The following ZNF773 variants were observed in gnomAD, a reference collection of about 807,000 sequenced individuals.
ZNF773 encodes zinc finger protein 419B.
A neutral mutation model predicts 12.8 loss-of-function variants in ZNF773; 11 were observed. The ratio of observed to expected loss-of-function variants is 0.86; its 90% CI spans 0.54 to 1.42. The LOEUF (loss-of-function observed/expected upper bound fraction) is 1.42, where lower values mean the gene tolerates loss of function less well. Ranked by LOEUF, ZNF773 falls within the 40% of genes most tolerant of loss-of-function variation. The pLI, the probability that ZNF773 is intolerant of heterozygous loss-of-function variation, is 0.00. For synonymous variants in ZNF773, 175 were observed against 178.4 expected (o/e 0.98, Z 0.15); for missense variants, 518 against 527.2 (o/e 0.98, Z 0.17).
downstream of ZNF773, chr19:57,513,137 G>T (rs1286872092): frequency 2.8e-6 from 4 of 1,409,746 alleles, no homozygotes; most frequent in South Asian, 1.7e-5. Flanking sequence ...CAAGTCTGCT[G>T]GCAGTGGATA....
chr19:57,507,408 C>A lies in ZNF773; in HGVS notation c.1313C>A (p.Thr438Asn). The change falls in exon 4 of 4, where the codon ACT (threonine) becomes AAT (asparagine). Residue 438 changes from threonine to asparagine, a missense_variant. Thr to Asn is a moderately conservative substitution (Grantham distance 65, BLOSUM62 0). Coordinates refer to ENST00000282292, the MANE Select transcript of ZNF773 (RefSeq NM_198542.3). Reference protein sequence around the residue: ...SSLVKHRRIHTGEIQ With the variant: ...SSLVKHRRIHNGEIQ ...CTTGTTAAACATCGAAGGATTCACA[C>A]TGGAGAAATACAATGATTGTGAGAA... is the stretch of plus-strand genomic sequence containing the variant. The A allele has an allele frequency of 1.3e-6, 2 of 1,599,806 alleles. No homozygotes were observed. Among genetic ancestry groups the A allele is most frequent in the Admixed American group, 1.8e-5 (1 of 56,928 alleles).
rs1485565608 is a variant in ZNF773 at position 57,504,994 on chromosome 19, G to A, written c.163+208G>A. ...CCCACAGCTGTGCAGGAAAGGGTTT[G>A]GGGGTCAGGAGTCTTGCAGTCAGCT... On this transcript the variant is annotated intron_variant, in intron 2 of 3. Transcript: ENST00000282292. The A allele has an allele frequency of 3.6e-5, 33 of 908,008 alleles. No individual in the cohort carries two copies. The Middle Eastern group carries it at 4.0e-3, about 109-fold the overall frequency. 56.2% of individuals were successfully genotyped at this position (908,008 alleles called of 1,614,324 possible). A position where few individuals can be genotyped will look rare whatever the true frequency, so the allele number is the denominator to read the frequency against.
rs753143695 is a variant in ZNF773, at chr19:57,506,735, A to G, written c.640A>G (p.Thr214Ala). ...ACTTGTTCAGCACCAGAGACTGCAC[A>G]CTGGGGAAAAGCCTTATGAATGCAG... The part of the protein sequence containing the change: ...YLLVQHQRLH[T>A]GEKPYECSEC... Residue 214 changes from threonine to alanine, a missense_variant, in exon 4 of 4, where the codon ACT becomes GCT. Physicochemically the swap from Thr to Ala is moderately conservative, Grantham distance 58. Coordinates refer to ENST00000282292, the MANE Select transcript of ZNF773 (RefSeq NM_198542.3). 4.3e-6 allele frequency: 7 copies of G among 1,614,132 alleles called. No homozygotes were observed. Among genetic ancestry groups the G allele is most frequent in the South Asian group, 1.1e-5 (1 of 91,088 alleles).
chr19:57,503,938 A>G (rs2089697778), intron 1 of ZNF773, among the ~76,000 whole-genome samples: 3 of 152,202 alleles, frequency 2.0e-5, no homozygotes, highest in Non-Finnish European at 4.4e-5. Flanking sequence ...GATTACAGGC[A>G]TGAGCCACCA....
chr19:57,514,323 T>A (rs1231054028), downstream of ZNF773: 1 of 152,208 alleles, frequency 6.6e-6, no homozygotes, highest in African/African-American at 2.4e-5. Flanking sequence ...TTTGAATGAT[T>A]TCCAACAATT....
At chr19:57,501,910 G>A (rs947904085) in intron 1 of ZNF773, among the ~76,000 whole-genome samples, 2 of 152,060 alleles carry the variant, frequency 1.3e-5, no homozygotes, top group African/African-American at 4.8e-5. Flanking sequence ...TGGTCATACA[G>A]TCAGGGTCCT....
At chr19:57,500,805 A>G (rs537809228) in intron 1 of ZNF773, among the ~76,000 whole-genome samples, 18 of 152,272 alleles carry the variant, frequency 1.2e-4, no homozygotes, top group Admixed American at 5.9e-4. Context: ...TGGAGGTGTC[A>G]TGTCCACATG....
At chr19:57,503,362 G>A (rs1196018499) in intron 1 of ZNF773, among the ~76,000 whole-genome samples, 4 of 152,124 alleles carry the variant, frequency 2.6e-5, no homozygotes, top group South Asian at 4.1e-4. Context: ...GGGAGTGGTG[G>A]GTTTCACAAG....
chr19:57,505,809 G>A (rs2089724875), intron 3 of ZNF773, among the ~76,000 whole-genome samples: 2 of 148,364 alleles, frequency 1.3e-5, no homozygotes, highest in Admixed American at 6.8e-5. Flanking sequence ...CTATCAGGTT[G>A]ATGCCATTCT....
downstream of ZNF773, among the ~76,000 whole-genome samples, chr19:57,511,459 G>T (rs2089794623): frequency 6.6e-6 from 1 of 152,138 alleles, no homozygotes; most frequent in Non-Finnish European, 1.5e-5. Context: ...ACATAGAGAT[G>T]AACAGAAGAG....
intron 1 of ZNF773, 120 bp from the exon 2 acceptor site, chr19:57,504,537 G>A: frequency 6.9e-7 from 1 of 1,451,988 alleles, no homozygotes; most frequent in Non-Finnish European, 9.4e-7. Context: ...TGGTTCTGGG[G>A]CAGGGTCTCT....
At chr19:57,511,843 A>C (rs1259539875), downstream of ZNF773, among the ~76,000 whole-genome samples, 1 of 150,944 alleles carries the variant, frequency 6.6e-6, no homozygotes, top group East Asian at 1.9e-4. Flanking sequence ...AAAATAAACT[A>C]TGAATACAAG....
chr19:57,508,339 C>G (rs116348244), downstream of ZNF773: 1 of 605,576 alleles, frequency 1.7e-6, no homozygotes, highest in Non-Finnish European at 2.1e-6. Flanking sequence ...CTGCACCAGT[C>G]GAATGGAGTT....
chr19:57,502,300 G>C (rs1358095570), intron 1 of ZNF773, among the ~76,000 whole-genome samples: 1 of 152,180 alleles, frequency 6.6e-6, no homozygotes, highest in Non-Finnish European at 1.5e-5. Context: ...AGGAGATTTA[G>C]AAGGCATAGT....
intron 1 of ZNF773, among the ~76,000 whole-genome samples, chr19:57,503,810 A>T (rs961197974): frequency 1.3e-5 from 2 of 152,100 alleles, no homozygotes; most frequent in African/African-American, 4.8e-5. Flanking sequence ...GGCATGCGCC[A>T]CCACCCCCAG....
chr19:57,506,895 G>A lies in ZNF773; in HGVS notation c.800G>A (p.Arg267Lys), dbSNP rs2089743757. The A allele has an allele frequency of 6.2e-7, 1 of 1,613,978 alleles. No homozygotes were observed. The highest frequency in any genetic ancestry group is 1.1e-5 in the South Asian group (1 of 91,058). The change falls in exon 4 of 4, where the codon AGA becomes AAA. Residue 267 changes from arginine (R) to lysine (K), a missense_variant. Transcript: ENST00000282292. ...AATGCTGACCTCATTCAACACCAGA[G>A]AGTTCACACTGGAGAAAAGCCTTTT... ...SRNADLIQHQ[R>K]VHTGEKPFTC...
At chr19:57,513,109 G>T, downstream of ZNF773, 3 of 1,470,516 alleles carry the variant, frequency 2.0e-6, no homozygotes, top group Non-Finnish European at 2.7e-6. Flanking sequence ...CTGACCAGAA[G>T]AATGAGAAAC....
At chr19:57,515,119 C>T (rs1164030633), downstream of ZNF773, 4 of 152,220 alleles carry the variant, frequency 2.6e-5, no homozygotes, top group African/African-American at 9.7e-5. Flanking sequence ...TAGCCAGTCA[C>T]ATTGAGACTG....
chr19:57,507,051 T>G lies in ZNF773; in HGVS notation c.956T>G (p.Met319Arg), dbSNP rs1308854063. 1.9e-6 allele frequency: 3 copies of G among 1,614,080 alleles called. No homozygotes were observed. Among genetic ancestry groups the G allele is most frequent in the Non-Finnish European group, 2.5e-6 (3 of 1,180,036 alleles). The stretch of plus-strand genomic sequence containing the variant: ...TTGTTTAGTTTCAACTCCAGCCTCA[T>G]GAAACATCAGAGAGTTCACACTGGA... ...GKLFSFNSSL[M>R]KHQRVHTGER... Residue 319 changes from methionine (M) to arginine (R), a missense_variant, in exon 4 of 4, where the codon ATG (methionine) becomes AGG (arginine). Physicochemically the swap from Met to Arg is moderately conservative, Grantham distance 91 (BLOSUM62 -1). Transcript: ENST00000282292.
Sources: allele counts gnomAD v4.1 joint callset (sites outside exome capture counted in the v4.1 genomes callset), GRCh38; gene constraint gnomAD v4.1.1; transcripts MANE v1.5; gene names NCBI Gene and HGNC (gene_info 2026-07-23, HGNC 2026-07-21).